The following GLYR1 variants were observed in gnomAD, a reference collection of about 807,000 sequenced individuals.
GLYR1 encodes cytokine-like nuclear factor N-PAC.
GLYR1 carries 21 observed loss-of-function variants against 72.7 expected under a neutral mutation model. The ratio of observed to expected loss-of-function variants is 0.29; its 90% CI spans 0.20 to 0.42. GLYR1 has a LOEUF of 0.42. Among genes scored for constraint, GLYR1 ranks in the 10% least tolerant of loss-of-function variants. The probability of loss-of-function intolerance (pLI) is 1.00; values close to 1 mark genes in which losing one functional copy is unlikely to be tolerated. For missense variants in GLYR1, 594 were observed against 712.1 expected (o/e 0.83, Z 1.89); for synonymous variants, 392 against 270.2 (o/e 1.45, Z -4.42).
chr16:4,825,232 A>G (rs6500636), intron 5 of GLYR1, among the ~76,000 whole-genome samples: 7,263 of 152,214 alleles, frequency 0.048, 593 homozygotes, highest in African/African-American at 0.17. Flanking sequence ...CATGGTCTAC[A>G]GGGAGGGTCT....
At chr16:4,823,117 T>A (rs2084147579) in intron 6 of GLYR1, among the ~76,000 whole-genome samples, 186 bp from the exon 7 acceptor site, 1 of 152,250 alleles carries the variant, frequency 6.6e-6, no homozygotes, top group Non-Finnish European at 1.5e-5. Flanking sequence ...CCATTCCAGC[T>A]AGAGGAAAAC....
At chr16:4,826,919 G>A (rs1470456234) in intron 5 of GLYR1, among the ~76,000 whole-genome samples, 4 of 152,202 alleles carry the variant, frequency 2.6e-5, no homozygotes, top group Non-Finnish European at 5.9e-5. Flanking sequence ...TCTCAGTTTG[G>A]CACTAAGGAA....
intron 9 of GLYR1, among the ~76,000 whole-genome samples, chr16:4,819,974 AG>A (rs2083907868): frequency 6.6e-6 from 1 of 152,130 alleles, no homozygotes; most frequent in Non-Finnish European, 1.5e-5. Context: ...TTGGTGTTCT[AG>A]GAAGTCCAGT....
At chr16:4,827,751 T>G (rs945920624) in intron 5 of GLYR1, among the ~76,000 whole-genome samples, 4 of 151,886 alleles carry the variant, frequency 2.6e-5, no homozygotes, top group African/African-American at 9.7e-5. Flanking sequence ...ACACAAAAAA[T>G]TAGCCGGGCG....
chr16:4,841,457 CAAAAA>C (rs1160441336), intron 3 of GLYR1, among the ~76,000 whole-genome samples: 614 of 31,810 alleles, frequency 0.019, 2 homozygotes, highest in African/African-American at 0.063. Flanking sequence ...CTTGTCTCTA[CAAAAA>C]AAAAAAAAAA....
rs375263534 is a variant in GLYR1 at position 4,823,778 on chromosome 16, G to A, written c.624+43C>T. Reference sequence around the variant, plus strand: ...AAAAAAAGGATCACACAGGAACCTCGCCCTAAGCCACAGCTTGTCCTGCCT... The same window carrying A: ...AAAAAAAGGATCACACAGGAACCTCACCCTAAGCCACAGCTTGTCCTGCCT... On this transcript the variant is annotated intron_variant, in intron 6 of 15. Coordinates refer to ENST00000321919, the MANE Select transcript of GLYR1 (RefSeq NM_032569.4). The A allele has an allele frequency of 8.9e-5, 111 of 1,249,658 alleles. No homozygotes were observed. In the African/African-American group the frequency reaches 1.3e-3, roughly 15 times the overall value. The allele number at this position is 1,249,658 out of a possible 1,614,324, so 77.4% of individuals were successfully genotyped here. A position where few individuals can be genotyped will look rare whatever the true frequency, so the allele number is the denominator to read the frequency against.
At position 4,845,169 on chromosome 16, in the gene GLYR1, G is replaced by A; in HGVS notation, c.76-16C>T. On this transcript the variant is annotated splice_polypyrimidine_tract_variant and intron_variant, in intron 2 of 15. Transcript: ENST00000321919. Reference sequence around the variant, plus strand: ...GATTAACAATCTGGAGGATAAAAGGGGGGAAAAAGGTTGGCTGGCAACACA... The same window carrying A: ...GATTAACAATCTGGAGGATAAAAGGAGGGAAAAAGGTTGGCTGGCAACACA... 1.2e-6 allele frequency: 2 copies of A among 1,605,566 alleles called. No individual in the cohort carries two copies. Among genetic ancestry groups the A allele is most frequent in the East Asian group, 2.2e-5 (1 of 44,846 alleles).
chr16:4,821,273 G>A (rs1292060155), intron 9 of GLYR1, 107 bp downstream of exon 9: 2 of 1,086,862 alleles, frequency 1.8e-6, no homozygotes, highest in African/African-American at 3.1e-5. Flanking sequence ...TCCATTCAAT[G>A]CCAGCAATGG....
intron 3 of GLYR1, among the ~76,000 whole-genome samples, chr16:4,842,238 C>A (rs1267057500): frequency 1.4e-5 from 2 of 147,904 alleles, no homozygotes; most frequent in Admixed American, 1.4e-4. Flanking sequence ...AGCGAGACTC[C>A]GTTTCAAAAA....
rs1596309179 is a variant in GLYR1 at position 4,811,063 on chromosome 16, C to A, written c.1587+107G>T. On this transcript the variant is annotated intron_variant, in intron 15 of 15. Coordinates refer to ENST00000321919, the MANE Select transcript of GLYR1 (RefSeq NM_032569.4). ...GAGGTTGCATTGAGCTGAGATCGCA[C>A]CAGTGCACTCTAGCCTGGGTGACAG... is the stretch of plus-strand genomic sequence containing the variant. 4 of 1,381,402 alleles carry A rather than the reference C, an allele frequency of 2.9e-6. No individual in the cohort carries two copies. The East Asian group carries it at 7.1e-5, about 25-fold the overall frequency. The allele number at this position is 1,381,402 out of a possible 1,614,324, so 85.6% of individuals were successfully genotyped here. A position where few individuals can be genotyped will look rare whatever the true frequency, so the allele number is the denominator to read the frequency against.
At chr16:4,812,808 T>C (rs1247003630) in intron 12 of GLYR1, among the ~76,000 whole-genome samples, 1 of 150,240 alleles carries the variant, frequency 6.7e-6, no homozygotes, top group Non-Finnish European at 1.5e-5. Context: ...TTTTGTTTTG[T>C]TTTTTTGAGA....
At chr16:4,826,790 A>G (rs1400722279) in intron 5 of GLYR1, among the ~76,000 whole-genome samples, 1 of 152,182 alleles carries the variant, frequency 6.6e-6, no homozygotes, top group Non-Finnish European at 1.5e-5. Context: ...TGTGCATTTA[A>G]TTTCAATTTA....
chr16:4,813,990 T>C (rs2083473270), intron 11 of GLYR1, 152 bp from the exon 12 acceptor site: 1 of 560,848 alleles, frequency 1.8e-6, no homozygotes, highest in East Asian at 3.1e-5. Flanking sequence ...AAGCAAGGGA[T>C]AGAAAAGTAC....
intron 3 of GLYR1, among the ~76,000 whole-genome samples, chr16:4,835,478 T>C (rs576442892): frequency 1.3e-5 from 2 of 152,300 alleles, no homozygotes; most frequent in East Asian, 3.9e-4. Flanking sequence ...AATGTTAATC[T>C]ATTTAAGGAA....
intron 5 of GLYR1, among the ~76,000 whole-genome samples, chr16:4,825,808 A>G (rs986986021): frequency 3.3e-5 from 5 of 151,268 alleles, no homozygotes; most frequent in Admixed American, 6.6e-5. Context: ...CGCGGCCACC[A>G]TGCCCAGCTA....
chr16:4,817,461 C>T, intron 10 of GLYR1, 137 bp downstream of exon 10: 2 of 619,888 alleles, frequency 3.2e-6, no homozygotes, highest in Non-Finnish European at 5.8e-6. Context: ...TAGGCATCTA[C>T]ATCTCTACCT....
At chr16:4,812,295 C>T in intron 12 of GLYR1, 47 bp from the exon 13 acceptor site, 1 of 1,578,776 alleles carries the variant, frequency 6.3e-7, no homozygotes, top group Non-Finnish European at 8.6e-7. Context: ...TCTCCCAGCG[C>T]TCTCTGGGCA....
In GLYR1 at chr16:4,846,897, C is replaced by G. The variant is rs892646055; in HGVS notation, c.38+331G>C. ...GCTTCTGCTTTCTGGGAAGCCCCAA[C>G]AAGACCCCGGGGACCGGTCGTCCGG... On this transcript the variant is annotated intron_variant, in intron 1 of 15. Coordinates refer to ENST00000321919, the MANE Select transcript of GLYR1 (RefSeq NM_032569.4). The G allele has an allele frequency of 1.1e-4, 43 of 402,926 alleles. No individual in the cohort carries two copies. In the East Asian group the frequency reaches 2.0e-3, roughly 19 times the overall value. The allele number at this position is 402,926 out of a possible 1,614,324, so 25.0% of individuals were successfully genotyped here. A position where few individuals can be genotyped will look rare whatever the true frequency, so the allele number is the denominator to read the frequency against.
At chr16:4,815,895 C>T (rs2141967777) in intron 10 of GLYR1, among the ~76,000 whole-genome samples, 1 of 152,178 alleles carries the variant, frequency 6.6e-6, no homozygotes, top group Non-Finnish European at 1.5e-5. Context: ...CATTCTCCTG[C>T]CTCAGCCTCC....
Sources: allele counts gnomAD v4.1 joint callset (sites outside exome capture counted in the v4.1 genomes callset), GRCh38; gene constraint gnomAD v4.1.1; transcripts MANE v1.5; gene names NCBI Gene and HGNC (gene_info 2026-07-23, HGNC 2026-07-21).